The following CHRNA4 variants were observed in gnomAD, a reference collection of about 807,000 sequenced individuals.
CHRNA4 encodes neuronal acetylcholine receptor subunit alpha-4.
In CHRNA4, 28 loss-of-function variants were observed where a neutral mutation model predicts 48.9. The ratio of observed to expected loss-of-function variants is 0.57; its 90% CI spans 0.42 to 0.79. The LOEUF (loss-of-function observed/expected upper bound fraction) is 0.79. Ranked by LOEUF, CHRNA4 falls within the 30% of genes least tolerant of loss-of-function variation. CHRNA4 has a pLI of 0.00. For synonymous variants in CHRNA4, 425 were observed against 402.3 expected, an observed-to-expected ratio of 1.06 and a Z score of -0.68; for missense variants, 859 against 898.4, an observed-to-expected ratio of 0.96 and a Z score of 0.56.
chr20:63,351,234 A>ATCAATG, intron 4 of CHRNA4: 1 of 354,860 alleles, frequency 2.8e-6, no homozygotes, highest in Non-Finnish European at 5.0e-6. Flanking sequence ...CCACATCCAC[A>ATCAATG]CCCACGTCCA....
chr20:63,359,605 G>A lies in CHRNA4; in HGVS notation c.171C>T (p.Asn57=), dbSNP rs1408173050. The A allele has an allele frequency of 1.2e-5, 19 of 1,612,746 alleles. No homozygotes were observed. The highest frequency in any genetic ancestry group is 1.7e-4 in the Middle Eastern group (1 of 6,046). Residue 57 remains asparagine (N), a synonymous_variant, in exon 2 of 6, where the codon AAC becomes AAT. Coordinates refer to ENST00000370263, the MANE Select transcript of CHRNA4 (RefSeq NM_000744.7). Reference sequence around the variant, plus strand: ...AGCGGACGAGGACCACGTCCGAGATGTTGGCCACGGGTCGGGACCACTTGT... The same window carrying A: ...AGCGGACGAGGACCACGTCCGAGATATTGGCCACGGGTCGGGACCACTTGT... ...GYNKWSRPVA[N]ISDVVLVRFG...
Position 63,361,261 on chromosome 20 carries a change from G to A in CHRNA4, c.-96C>T, listed in dbSNP as rs2068816335. The A allele has an allele frequency of 1.4e-6, 2 of 1,394,262 alleles. No individual in the cohort carries two copies. Among genetic ancestry groups the A allele is most frequent in the Non-Finnish European group, 1.9e-6 (2 of 1,076,396 alleles). 86.4% of individuals were successfully genotyped at this position (1,394,262 alleles called of 1,614,324 possible). On this transcript the variant is annotated 5_prime_UTR_variant, in exon 1 of 6. Coordinates refer to ENST00000370263, the MANE Select transcript of CHRNA4 (RefSeq NM_000744.7). ...CCCAACTTCATGCCTCCCGCGCCTC[G>A]CGGGCCGCTTCGGCCGCCGGGCCCG...
At chr20:63,352,129 A>C (rs1444784761) in intron 4 of CHRNA4, among the ~76,000 whole-genome samples, 2 of 151,976 alleles carry the variant, frequency 1.3e-5, no homozygotes, top group Admixed American at 6.5e-5. Flanking sequence ...CACCTCTGCC[A>C]AGCTGCCTGG....
At chr20:63,361,028 TG>T in intron 1 of CHRNA4, 61 bp downstream of exon 1, 3 of 1,299,016 alleles carry the variant, frequency 2.3e-6, no homozygotes, top group Middle Eastern at 2.8e-4. Context: ...CCTCTGGCTC[TG>T]GGGGTCCCAG....
In CHRNA4 at chr20:63,345,683, A is replaced by G. The variant is rs752807751; in HGVS notation, c.*1055T>C. 7 of 453,750 alleles carry G rather than the reference A, an allele frequency of 1.5e-5. No homozygotes were observed. Among genetic ancestry groups the G allele is most frequent in the Admixed American group, 1.4e-4 (6 of 42,542 alleles). The allele number at this position is 453,750 out of a possible 1,614,324, so 28.1% of individuals were successfully genotyped here. A position where few individuals can be genotyped will look rare whatever the true frequency, so the allele number is the denominator to read the frequency against. ...GACTTCCTGCCCCGAGGGTCCCAGC[A>G]TCTCCCAGGTGGAGGTCCTCAAGGA... On this transcript the variant is annotated 3_prime_UTR_variant, in exon 6 of 6. Coordinates refer to ENST00000370263, the MANE Select transcript of CHRNA4 (RefSeq NM_000744.7). This position sits in a 1 kb window ranked among gnomAD's most constrained non-coding sequence, Gnocchi z 5.4.
At chr20:63,349,613 TG>T in intron 5 of CHRNA4, 39 bp downstream of exon 5, 1 of 1,611,260 alleles carries the variant, frequency 6.2e-7, no homozygotes. Context: ...CGGTTCCGTC[TG>T]GGTCAGAGGC....
chr20:63,356,097 G>T lies in CHRNA4; in HGVS notation c.274-13C>A. On this transcript the variant is annotated splice_polypyrimidine_tract_variant and intron_variant, in intron 3 of 5. Coordinates refer to ENST00000370263, the MANE Select transcript of CHRNA4 (RefSeq NM_000744.7). ...AGTCGTGCCACTCCTGGATGAGGTG[G>T]GGCGGGGGGAGGCTGCAGGGTGAGG... 6.3e-7 allele frequency: 1 copy of T among 1,578,754 alleles called. No homozygotes were observed. The highest frequency in any genetic ancestry group is 1.7e-5 in the Admixed American group (1 of 57,302).
In CHRNA4 at chr20:63,346,154, A is replaced by G. The variant is rs4809292; in HGVS notation, c.*584T>C. 23,729 of 453,874 alleles carry G rather than the reference A, an allele frequency of 0.052. 902 individuals are homozygous for G. Among genetic ancestry groups the G allele is most frequent in the South Asian group, 0.11 (6,881 of 64,442 alleles). 28.1% of individuals were successfully genotyped at this position (453,874 alleles called of 1,614,324 possible). On this transcript the variant is annotated 3_prime_UTR_variant, in exon 6 of 6. Transcript: ENST00000370263. ...TTCTCACTAACTTACCCAAAACACA[A>G]CCAAACACAATCCCTGCCTGGACCC...
rs201144410 is a variant in CHRNA4, at chr20:63,343,909, G to C, written c.*2829C>G. The C allele has an allele frequency of 2.2e-6, 1 of 454,146 alleles. No homozygotes were observed. 28.1% of individuals were successfully genotyped at this position (454,146 alleles called of 1,614,324 possible). A position where few individuals can be genotyped will look rare whatever the true frequency, so the allele number is the denominator to read the frequency against. On this transcript the variant is annotated 3_prime_UTR_variant, in exon 6 of 6. Transcript: ENST00000370263. ...GGTTCTAGGCAAGCTGTCCACCCCC[G>C]GGAACTAACTGGCCCTAGGAGGAGC...
Position 63,345,206 on chromosome 20 carries a change from C to G in CHRNA4, c.*1532G>C, listed in dbSNP as rs1402136238. On this transcript the variant is annotated 3_prime_UTR_variant, in exon 6 of 6. Coordinates refer to ENST00000370263, the MANE Select transcript of CHRNA4 (RefSeq NM_000744.7). The surrounding 1 kb of genome is among the most constrained non-coding windows in gnomAD (Gnocchi z 5.4). ...GACCCTGGCCCAGGAGAGCTCGGCT[C>G]GGGGACAGAGGAATGAGACTCAGTG... 1 of 445,896 alleles carries G rather than the reference C, an allele frequency of 2.2e-6. No individual in the cohort carries two copies. Among genetic ancestry groups the G allele is most frequent in the East Asian group, 7.1e-5 (1 of 14,120 alleles). The allele number at this position is 445,896 out of a possible 1,614,324, so 27.6% of individuals were successfully genotyped here.
intron 4 of CHRNA4, among the ~76,000 whole-genome samples, chr20:63,354,014 C>T (rs1393017859): frequency 3.2e-5 from 3 of 93,210 alleles, no homozygotes; most frequent in Non-Finnish European, 6.3e-5. Context: ...GGGGGGGCTG[C>T]GGTCCTAGGG....
At position 63,355,519 on chromosome 20, in the gene CHRNA4, C is replaced by T. The variant is rs1220678083; in HGVS notation, c.383+456G>A. 6.2e-6 allele frequency: 8 copies of T among 1,290,800 alleles called. No homozygotes were observed. In the South Asian group the frequency reaches 9.9e-5, roughly 16 times the overall value. 80.0% of individuals were successfully genotyped at this position (1,290,800 alleles called of 1,614,324 possible). The stretch of plus-strand genomic sequence containing the variant: ...ACCCCTCTCCAGGGCACCCTGCAGT[C>T]CACACTATTCTCCCAGAAAGGCCAG... On this transcript the variant is annotated intron_variant, in intron 4 of 5. Transcript: ENST00000370263.
Position 63,355,762 on chromosome 20 carries a change from C to T in CHRNA4, c.383+213G>A. On this transcript the variant is annotated intron_variant, in intron 4 of 5. Transcript: ENST00000370263. ...GGGATGCCCTCAGCCTCTTTGCTGG[C>T]CTGGGGGGACCCTTCCCTCCTCAAC... is the stretch of plus-strand genomic sequence containing the variant. 6.2e-6 allele frequency: 5 copies of T among 810,622 alleles called. No homozygotes were observed. In the South Asian group the frequency reaches 8.2e-5, roughly 13 times the overall value. The allele number at this position is 810,622 out of a possible 1,614,324, so 50.2% of individuals were successfully genotyped here. A position where few individuals can be genotyped will look rare whatever the true frequency, so the allele number is the denominator to read the frequency against.
At chr20:63,347,994 C>T (rs982317055) in intron 5 of CHRNA4, among the ~76,000 whole-genome samples, 1 of 152,210 alleles carries the variant, frequency 6.6e-6, no homozygotes, top group African/African-American at 2.4e-5. Flanking sequence ...GGCGGGGACG[C>T]GGCCGCCCTC....
Position 63,350,288 on chromosome 20 carries a change from T to G in CHRNA4, c.1123A>C (p.Met375Leu). 1 of 1,612,632 alleles carries G rather than the reference T, an allele frequency of 6.2e-7. No individual in the cohort carries two copies. Among genetic ancestry groups the G allele is most frequent in the Non-Finnish European group, 8.5e-7 (1 of 1,179,884 alleles). ...KDNCRRLIESMHKMASAPRFW... is the reference protein window; with the variant it reads ...KDNCRRLIESLHKMASAPRFW... ...CGCGGGGCACTGGCCATCTTATGCA[T>G]GGACTCGATGAGCCGCCGGCAATTG... The change falls in exon 5 of 6, where the codon ATG (methionine) becomes CTG (leucine). Residue 375 changes from methionine (M) to leucine (L), a missense_variant. Coordinates refer to ENST00000370263, the MANE Select transcript of CHRNA4 (RefSeq NM_000744.7).
rs1220852560 is a variant in CHRNA4 at position 63,343,509 on chromosome 20, G to A, written c.*3229C>T. The stretch of plus-strand genomic sequence containing the variant: ...CTAACCCAGCAGTCCCACAGCAGCT[G>A]CGTGCCCTAGAGTGTCCTGGGCCCG... On this transcript the variant is annotated 3_prime_UTR_variant, in exon 6 of 6. Coordinates refer to ENST00000370263, the MANE Select transcript of CHRNA4 (RefSeq NM_000744.7). 1 of 454,166 alleles carries A rather than the reference G, an allele frequency of 2.2e-6. No homozygotes were observed. Among genetic ancestry groups the A allele is most frequent in the Admixed American group, 2.3e-5 (1 of 42,580 alleles). 28.1% of individuals were successfully genotyped at this position (454,166 alleles called of 1,614,324 possible).
rs1279706821 is a variant in CHRNA4, at chr20:63,344,254, C to A, written c.*2484G>T. 1 of 453,678 alleles carries A rather than the reference C, an allele frequency of 2.2e-6. No homozygotes were observed. The highest frequency in any genetic ancestry group is 4.4e-6 in the Non-Finnish European group (1 of 226,682). 28.1% of individuals were successfully genotyped at this position (453,678 alleles called of 1,614,324 possible). A position where few individuals can be genotyped will look rare whatever the true frequency, so the allele number is the denominator to read the frequency against. On this transcript the variant is annotated 3_prime_UTR_variant, in exon 6 of 6. Transcript: ENST00000370263. This position sits in a 1 kb window ranked among gnomAD's most constrained non-coding sequence, Gnocchi z 4.5. ...ATTCTGACTCCTCGAAGGTCGTGAG[C>A]CGGAGAGGTCAATCCACGGTGCTTA...
chr20:63,351,077 G>A (rs759358003), intron 4 of CHRNA4, 50 bp from the exon 5 acceptor site: 52 of 1,573,912 alleles, frequency 3.3e-5, no homozygotes, highest in South Asian at 2.2e-4. Flanking sequence ...CCATGCCCAC[G>A]TCCACACCCA....
chr20:63,344,819 G>A lies in CHRNA4; in HGVS notation c.*1919C>T, dbSNP rs45530137. 910 of 451,296 alleles carry A rather than the reference G, an allele frequency of 2.0e-3. 7 individuals are homozygous for A. Among genetic ancestry groups the A allele is most frequent in the African/African-American group, 0.017 (847 of 50,060 alleles). The allele number at this position is 451,296 out of a possible 1,614,324, so 28.0% of individuals were successfully genotyped here. On this transcript the variant is annotated 3_prime_UTR_variant, in exon 6 of 6. Coordinates refer to ENST00000370263, the MANE Select transcript of CHRNA4 (RefSeq NM_000744.7). This position sits in a 1 kb window ranked among gnomAD's most constrained non-coding sequence, Gnocchi z 4.5. The stretch of plus-strand genomic sequence containing the variant: ...GGTCTCCCTGCGTCCTGGGAGCTCT[G>A]GCCGAGGAGCAGCAGGGGCTGATGG...
Sources: allele counts gnomAD v4.1 joint callset (sites outside exome capture counted in the v4.1 genomes callset), GRCh38; gene constraint gnomAD v4.1.1; non-coding constraint Gnocchi (gnomAD v3.1); transcripts MANE v1.5; gene names NCBI Gene and HGNC (gene_info 2026-07-23, HGNC 2026-07-21).